The following BCAT1 variants were observed in gnomAD, a reference collection of about 807,000 sequenced individuals.
BCAT1 encodes the protein branched chain amino acid transaminase 1.
BCAT1 carries 48 observed loss-of-function variants against 52.4 expected under a neutral mutation model. The observed-to-expected ratio is 0.92, with a 90% CI of 0.73 to 1.16. The LOEUF (loss-of-function observed/expected upper bound fraction) is 1.16. BCAT1 is among the 50% of genes most tolerant of loss of function. BCAT1 has a pLI of 0.00. For missense variants in BCAT1, 451 were observed against 457.1 expected (o/e 0.99, Z 0.12); for synonymous variants, 167 against 161.3 (o/e 1.04, Z -0.27).
intron 8 of BCAT1, chr12:24,834,838 G>C: frequency 9.4e-7 from 1 of 1,068,406 alleles, no homozygotes; most frequent in Non-Finnish European, 1.2e-6. Flanking sequence ...AAACTCTTTT[G>C]TAAATAAGCA....
In BCAT1 at chr12:24,817,175, C is replaced by T. The variant is rs1939907287; in HGVS notation, c.*833G>A. The T allele has an allele frequency of 6.6e-6, 1 of 152,154 alleles. No homozygotes were observed. Among genetic ancestry groups the T allele is most frequent in the Non-Finnish European group, 1.5e-5 (1 of 68,026 alleles). 9.4% of individuals were successfully genotyped at this position (152,154 alleles called of 1,614,324 possible). ...AAAGACAATATAAGGTAAATCTATACACTGTCAGAATCAATCACAAATTCT... is the reference window on the plus strand; with the variant it reads ...AAAGACAATATAAGGTAAATCTATATACTGTCAGAATCAATCACAAATTCT... On this transcript the variant is annotated 3_prime_UTR_variant, in exon 11 of 11. Transcript: ENST00000261192.
intron 6 of BCAT1, among the ~76,000 whole-genome samples, chr12:24,845,469 A>G (rs1043715986): frequency 1.3e-5 from 2 of 152,252 alleles, no homozygotes; most frequent in African/African-American, 2.4e-5. Flanking sequence ...ACTGAGTTAA[A>G]TTACAAATGC....
At chr12:24,834,084 C>T (rs1422661528) in intron 8 of BCAT1, 3 of 933,258 alleles carry the variant, frequency 3.2e-6, no homozygotes, top group African/African-American at 1.8e-5. Flanking sequence ...TCCCAAAGTG[C>T]CAAAGTGCTG....
At chr12:24,944,668 G>A (rs1374510377) in intron 1 of BCAT1, among the ~76,000 whole-genome samples, 2 of 151,916 alleles carry the variant, frequency 1.3e-5, no homozygotes, top group Non-Finnish European at 2.9e-5. Context: ...TGCAATTGAT[G>A]AAACATTCAA....
intron 1 of BCAT1, among the ~76,000 whole-genome samples, chr12:24,939,139 G>T (rs1943813281): frequency 6.6e-6 from 1 of 152,204 alleles, no homozygotes; most frequent in Non-Finnish European, 1.5e-5. Context: ...CTCCCAAAGT[G>T]CTGGGATTAC....
In BCAT1 at chr12:24,836,947, AAAG is replaced by A. The variant is rs1565454719; in HGVS notation, c.818-354_818-352del. On this transcript the variant is annotated intron_variant, in intron 7 of 10. Transcript: ENST00000261192. ...GAAAGAAAGAAAGAAAGAAAGAAAG[AAAG>A]AAAGAAAAGAGAAAGAAAGAAAGAG... Among the ~76,000 whole-genome samples, 18 of 116,806 alleles carry A rather than the reference AAAG, an allele frequency of 1.5e-4. 2 individuals are homozygous for A. Among genetic ancestry groups the A allele is most frequent in the African/African-American group, 4.8e-4 (17 of 35,344 alleles). The allele number at this position is 116,806 out of a possible 152,430, so 76.6% of individuals were successfully genotyped here.
rs538952417 is a variant in BCAT1, at chr12:24,840,936, G to A, written c.817+1146C>T. Among the ~76,000 whole-genome samples, 10 of 152,148 alleles carry A rather than the reference G, an allele frequency of 6.6e-5. No homozygotes were observed. The East Asian group carries it at 1.4e-3, about 21-fold the overall frequency. On this transcript the variant is annotated intron_variant, in intron 7 of 10. Transcript: ENST00000261192. ...AGAATGTAAACAAGTCTAAAAATACGCTTCTAAATTTGGTATGATTATCAA... is the reference window on the plus strand; with the variant it reads ...AGAATGTAAACAAGTCTAAAAATACACTTCTAAATTTGGTATGATTATCAA...
intron 7 of BCAT1, among the ~76,000 whole-genome samples, chr12:24,836,967 A>C (rs1301192293): frequency 3.5e-5 from 5 of 142,036 alleles, no homozygotes; most frequent in South Asian, 2.3e-4. Context: ...AAGAGAAAGA[A>C]AGAAAGAGAG....
chr12:24,878,118 C>T (rs1263831094), intron 5 of BCAT1, among the ~76,000 whole-genome samples: 1 of 150,406 alleles, frequency 6.6e-6, no homozygotes, highest in African/African-American at 2.5e-5. Flanking sequence ...TGCATCACTG[C>T]ACCCCAGCCT....
chr12:24,842,449 CCTTGAAATTTTAA>C (rs1232299073), intron 6 of BCAT1, among the ~76,000 whole-genome samples: 1 of 151,592 alleles, frequency 6.6e-6, no homozygotes, highest in Non-Finnish European at 1.5e-5. Flanking sequence ...CAACGTGAAA[CCTTGAAATTTTAA>C]CTTGAAATGT....
chr12:24,868,035 G>A (rs1415148440), intron 5 of BCAT1, among the ~76,000 whole-genome samples: 2 of 152,120 alleles, frequency 1.3e-5, no homozygotes, highest in Non-Finnish European at 2.9e-5. Context: ...AGATAAAGCA[G>A]TGTTAGCATT....
intron 1 of BCAT1, among the ~76,000 whole-genome samples, chr12:24,942,998 T>G (rs1943870959): frequency 6.6e-6 from 1 of 152,206 alleles, no homozygotes; most frequent in African/African-American, 2.4e-5. Flanking sequence ...CTTATATAGT[T>G]TCATATCTCA....
intron 3 of BCAT1, among the ~76,000 whole-genome samples, chr12:24,888,874 C>G (rs572909082): frequency 1.3e-5 from 2 of 152,348 alleles, no homozygotes; most frequent in East Asian, 1.9e-4. Context: ...ACAGCTGCGT[C>G]AATCATGTTC....
chr12:24,892,988 T>C (rs936652461), intron 3 of BCAT1, among the ~76,000 whole-genome samples: 2 of 152,240 alleles, frequency 1.3e-5, no homozygotes, highest in Admixed American at 1.3e-4. Context: ...GAAACTTAGA[T>C]TCCTAAATTC....
chr12:24,885,727 T>G (rs549075890), intron 3 of BCAT1, among the ~76,000 whole-genome samples: 26 of 152,028 alleles, frequency 1.7e-4, no homozygotes, highest in Non-Finnish European at 3.4e-4. Flanking sequence ...CAAATAGAGA[T>G]CCAGAAGCAA....
At chr12:24,927,903 A>G (rs1943616778) in intron 1 of BCAT1, among the ~76,000 whole-genome samples, 1 of 152,218 alleles carries the variant, frequency 6.6e-6, no homozygotes, top group Non-Finnish European at 1.5e-5. Context: ...TATCTGGAGA[A>G]GATCACACTG....
chr12:24,882,600 T>A (rs943631086), intron 3 of BCAT1, among the ~76,000 whole-genome samples: 4 of 151,554 alleles, frequency 2.6e-5, no homozygotes, highest in African/African-American at 4.8e-5. Context: ...ATTATTTATT[T>A]TTTTTTTTTG....
At chr12:24,895,029 GT>G (rs1942928461) in intron 2 of BCAT1, among the ~76,000 whole-genome samples, 1 of 152,190 alleles carries the variant, frequency 6.6e-6, no homozygotes, top group African/African-American at 2.4e-5. Flanking sequence ...AAACAGGAAA[GT>G]TGAGAATGAA....
In BCAT1 at chr12:24,948,994, C is replaced by T; in HGVS notation, c.-62G>A. ...GAGGGCAGATCCCAAGGGTCGTAGC[C>T]CCTGGCCGTGTGGACCGGGTCTGCG... On this transcript the variant is annotated 5_prime_UTR_variant, in exon 1 of 11. Coordinates refer to ENST00000261192, the MANE Select transcript of BCAT1 (RefSeq NM_005504.7). 6.4e-7 allele frequency: 1 copy of T among 1,560,240 alleles called. No homozygotes were observed. The highest frequency in any genetic ancestry group is 8.7e-7 in the Non-Finnish European group (1 of 1,150,110).
Sources: gnomAD v4.1 joint callset for allele counts (sites outside exome capture counted in the v4.1 genomes callset) on GRCh38, gnomAD v4.1.1 for gene constraint, MANE v1.5 for transcripts, NCBI Gene and HGNC (gene_info 2026-07-23, HGNC 2026-07-21) for gene names.